ZNF732: variants seen among roughly 807,000 people sequenced by gnomAD.
ZNF732 encodes the protein zinc finger protein 732.
A neutral mutation model predicts 11.5 loss-of-function variants in ZNF732; 12 were observed. The ratio of observed to expected loss-of-function variants is 1.05; its 90% CI spans 0.67 to 1.70. ZNF732 has a LOEUF of 1.70. Among genes scored for constraint, ZNF732 ranks in the 40% most tolerant of loss-of-function variants. The pLI is 0.00. For synonymous variants in ZNF732, 231 were observed against 236.5 expected (o/e 0.98, Z 0.21); for missense variants, 702 against 676.9 (o/e 1.04, Z -0.41).
intron 3 of ZNF732, among the ~76,000 whole-genome samples, chr4:282,140 G>A (rs1248182444): frequency 1.3e-5 from 2 of 152,044 alleles, no homozygotes; most frequent in East Asian, 1.9e-4. Context: ...TTGAAAGTTC[G>A]TAAATAGACT....
At chr4:304,228 G>C (rs1720178833) in intron 1 of ZNF732, among the ~76,000 whole-genome samples, 1 of 152,122 alleles carries the variant, frequency 6.6e-6, no homozygotes, top group Admixed American at 6.5e-5. Context: ...GAGTGGGTTA[G>C]CATTAAGTGG....
chr4:276,495 A>G (rs564112954), intron 3 of ZNF732, among the ~76,000 whole-genome samples: 1 of 152,064 alleles, frequency 6.6e-6, no homozygotes, highest in Admixed American at 6.5e-5. Flanking sequence ...GAAGTACATA[A>G]TATCTATACC....
chr4:271,996 A>C lies in ZNF732; in HGVS notation c.861T>G (p.Ile287Met). Reference sequence around the variant, plus strand: ...GTTTGGCAACATTTGAGGATGAGGTAATGATTTTGCCACATTCTTCACATG... The same window carrying C: ...GTTTGGCAACATTTGAGGATGAGGTCATGATTTTGCCACATTCTTCACATG... ...PFTCEECGKI[I>M]TSSSNVAKHK... Residue 287 changes from isoleucine to methionine, a missense_variant, in exon 4 of 4, where the codon ATT (isoleucine) becomes ATG (methionine). Physicochemically the swap from Ile to Met is conservative, Grantham distance 10. Transcript: ENST00000419098. The C allele has an allele frequency of 6.2e-7, 1 of 1,608,398 alleles. No individual in the cohort carries two copies. The highest frequency in any genetic ancestry group is 8.5e-7 in the Non-Finnish European group (1 of 1,177,130).
At chr4:274,982 G>A (rs76605095) in intron 3 of ZNF732, among the ~76,000 whole-genome samples, 17 of 151,730 alleles carry the variant, frequency 1.1e-4, no homozygotes, top group Middle Eastern at 6.8e-3. Flanking sequence ...CCCAGTTTCT[G>A]TAAGGAATAA....
Position 272,111 on chromosome 4 carries a change from G to C in ZNF732, c.746C>G (p.Ser249Cys). Residue 249 changes from serine to cysteine, a missense_variant, in exon 4 of 4, where the codon TCT becomes TGT. Around this residue, in one of 3 missense-constraint regions of ZNF732, gnomAD observed 596 missense variants for 557.9 expected, o/e 1.07. Coordinates refer to ENST00000419098, the MANE Select transcript of ZNF732 (RefSeq NM_001137608.3). ...AKHKVHTGEK[S>C]YKYEECGKAF... ...TTTGCCACATTCTTCATATTTGTAA[G>C]ATTTCTCTCCAGTATGAACTTTATG... is the stretch of plus-strand genomic sequence containing the variant. 6.2e-7 allele frequency: 1 copy of C among 1,611,996 alleles called. No individual in the cohort carries two copies. Among genetic ancestry groups the C allele is most frequent in the Non-Finnish European group, 8.5e-7 (1 of 1,179,092 alleles).
intron 3 of ZNF732, among the ~76,000 whole-genome samples, chr4:284,774 G>C (rs1419022536): frequency 1.3e-5 from 2 of 150,454 alleles, no homozygotes; most frequent in Admixed American, 1.3e-4. Context: ...GGGAGGCTGA[G>C]GCAGAAGAAT....
chr4:283,541 TAA>T (rs1560159714), intron 3 of ZNF732, among the ~76,000 whole-genome samples: 2 of 151,074 alleles, frequency 1.3e-5, no homozygotes, highest in African/African-American at 2.4e-5. Flanking sequence ...GATATAGTGA[TAA>T]GAGGCTAATC....
chr4:288,151 T>C (rs1468426312), intron 3 of ZNF732, among the ~76,000 whole-genome samples: 1 of 152,184 alleles, frequency 6.6e-6, no homozygotes, highest in Non-Finnish European at 1.5e-5. Context: ...ATTCTGAATG[T>C]TAACTTTTGT....
chr4:274,361 A>ATACCAGAAAAAAAG (rs1432541840), intron 3 of ZNF732, among the ~76,000 whole-genome samples: 1 of 151,622 alleles, frequency 6.6e-6, no homozygotes, highest in Non-Finnish European at 1.5e-5. Context: ...AATTCTCAAG[A>ATACCAGAAAAAAAG]TACCAGAAAA....
Position 271,960 on chromosome 4 carries a change from A to C in ZNF732, c.897T>G (p.Ile299Met). 6.2e-7 allele frequency: 1 copy of C among 1,607,644 alleles called. No homozygotes were observed. Among genetic ancestry groups the C allele is most frequent in the Non-Finnish European group, 8.5e-7 (1 of 1,176,700 alleles). ...ATTTGTAGAGTTTCTCTCCGGTATGAATTTTCTTATGTTTGGCAACATTTG... is the reference window on the plus strand; with the variant it reads ...ATTTGTAGAGTTTCTCTCCGGTATGCATTTTCTTATGTTTGGCAACATTTG... ...SSSNVAKHKK[I>M]HTGEKLYKCQ... The change falls in exon 4 of 4, where the codon ATT (isoleucine) becomes ATG (methionine). Residue 299 changes from isoleucine (I) to methionine (M), a missense_variant. Transcript: ENST00000419098.
chr4:278,274 A>G (rs1553839071), intron 3 of ZNF732, among the ~76,000 whole-genome samples: 2 of 152,216 alleles, frequency 1.3e-5, no homozygotes, highest in Non-Finnish European at 2.9e-5. Context: ...GTACCACATC[A>G]CTGTATCCAA....
chr4:287,202 A>G (rs1476340718), intron 3 of ZNF732, among the ~76,000 whole-genome samples: 1 of 151,828 alleles, frequency 6.6e-6, no homozygotes, highest in Admixed American at 6.6e-5. Context: ...ATCCAAGAAT[A>G]TGTGAAACTT....
chr4:277,959 G>T (rs1719535052), intron 3 of ZNF732, among the ~76,000 whole-genome samples: 1 of 152,182 alleles, frequency 6.6e-6, no homozygotes, highest in African/African-American at 2.4e-5. Context: ...TTATAGCCAA[G>T]GTATTCGATC....
intron 3 of ZNF732, among the ~76,000 whole-genome samples, chr4:274,734 C>A (rs1028601548): frequency 6.6e-6 from 1 of 151,578 alleles, no homozygotes; most frequent in African/African-American, 2.4e-5. Flanking sequence ...ATACAAAGTA[C>A]ATCTTAAGTC....
At chr4:301,074 C>G (rs1720108804) in intron 1 of ZNF732, among the ~76,000 whole-genome samples, 1 of 152,202 alleles carries the variant, frequency 6.6e-6, no homozygotes, top group African/African-American at 2.4e-5. Flanking sequence ...ATAGACACTT[C>G]TCAAAAGAAG....
intron 1 of ZNF732, among the ~76,000 whole-genome samples, chr4:305,007 C>T (rs184950552): frequency 1.3e-5 from 2 of 152,340 alleles, no homozygotes; most frequent in African/African-American, 2.4e-5. Flanking sequence ...ACCACAGCTC[C>T]TCCCAGGCGG....
intron 3 of ZNF732, among the ~76,000 whole-genome samples, chr4:280,387 C>A (rs1360322436): frequency 6.6e-6 from 1 of 150,768 alleles, no homozygotes; most frequent in Non-Finnish European, 1.5e-5. Context: ...GTCAGGAGTT[C>A]GAGACCAGCC....
At chr4:280,437 C>T (rs1265385036) in intron 3 of ZNF732, among the ~76,000 whole-genome samples, 2 of 152,076 alleles carry the variant, frequency 1.3e-5, no homozygotes, top group Middle Eastern at 3.4e-3. Context: ...AAAAATTAGC[C>T]GGGTGTGGTG....
intron 1 of ZNF732, among the ~76,000 whole-genome samples, chr4:297,140 C>G (rs1161098723): frequency 6.6e-6 from 1 of 151,964 alleles, no homozygotes; most frequent in Non-Finnish European, 1.5e-5. Flanking sequence ...TAGTGGCGTG[C>G]GCCTGTAATC....
Sources: gnomAD v4.1 joint callset for allele counts (sites outside exome capture counted in the v4.1 genomes callset) on GRCh38, gnomAD v4.1.1 for gene constraint, gnomAD v4.1.1 regional missense constraint, MANE v1.5 for transcripts, NCBI Gene and HGNC (gene_info 2026-07-23, HGNC 2026-07-21) for gene names.